UBA1: variants seen among roughly 807,000 people sequenced by gnomAD.
The protein encoded by UBA1 is ubiquitin like modifier activating enzyme 1.
UBA1 carries 4 observed loss-of-function variants against 84.7 expected under a neutral mutation model. That is an observed-to-expected ratio of 0.05 (90% confidence interval 0.02 to 0.11). The LOEUF (loss-of-function observed/expected upper bound fraction) is 0.11. Among genes scored for constraint, UBA1 ranks in the 10% least tolerant of loss-of-function variants. The probability of loss-of-function intolerance (pLI) is 1.00; values close to 1 mark genes in which losing one functional copy is unlikely to be tolerated. For synonymous variants in UBA1, 364 were observed against 362.6 expected (o/e 1.00, Z -0.04); for missense variants, 513 against 902.8 (o/e 0.57, Z 5.53).
rs1044559809 is a variant in UBA1, at chrX:47,202,459, C to T, written c.1011C>T (p.His337=). ...AQLHIGFQAL[H]QFCAQHGRPP... ...TGCACATTGGCTTCCAGGCCCTGCA[C>T]CAGTTCTGTGCTCAGCATGGCCGGC... is the stretch of plus-strand genomic sequence containing the variant. The change falls in exon 10 of 26, where the codon CAC becomes CAT. Residue 337 remains histidine (H), a synonymous_variant. Coordinates refer to ENST00000335972, the MANE Select transcript of UBA1 (RefSeq NM_003334.4). 4 of 1,207,666 alleles carry T rather than the reference C, an allele frequency of 3.3e-6. No homozygotes were observed. The highest frequency in any genetic ancestry group is 3.4e-6 in the Non-Finnish European group (3 of 893,292).
Position 47,206,016 on chromosome X carries a change from C to G in UBA1, c.1644C>G (p.His548Gln). ...ATCCACATATCCGGGTGACAAGCCA[C>G]CAGAACCGTGTGGGTCCTGACACGG... ...QMNPHIRVTSHQNRVGPDTER... is the reference protein window; with the variant it reads ...QMNPHIRVTSQQNRVGPDTER... The change falls in exon 15 of 26, where the codon CAC (histidine) becomes CAG (glutamine). Residue 548 changes from histidine to glutamine, a missense_variant. His to Gln is a conservative substitution (Grantham distance 24). Around this residue, in one of 6 missense-constraint regions of UBA1, gnomAD observed 55 missense variants for 104.8 expected, o/e 0.52. Transcript: ENST00000335972. 8.3e-7 allele frequency: 1 copy of G among 1,205,651 alleles called. No individual in the cohort carries two copies. Among genetic ancestry groups the G allele is most frequent in the Non-Finnish European group, 1.1e-6 (1 of 892,353 alleles).
rs1936508776 is a variant in UBA1, at chrX:47,203,630, A to C, written c.1509A>C (p.Thr503=). The change falls in exon 14 of 26, where the codon ACA becomes ACC. Residue 503 remains threonine, a synonymous_variant. Coordinates refer to ENST00000335972, the MANE Select transcript of UBA1 (RefSeq NM_003334.4). ...GCGEGGEIIV[T]DMDTIEKSNL... ...GGGAGGGTGGAGAAATCATCGTTAC[A>C]GACATGGACACCATTGAGAAGTCAA... 5.0e-6 allele frequency: 6 copies of C among 1,210,926 alleles called. No homozygotes were observed. Among genetic ancestry groups the C allele is most frequent in the Non-Finnish European group, 6.7e-6 (6 of 895,247 alleles).
At chrX:47,206,678 A>G (rs929570868) in intron 16 of UBA1, 2 of 425,264 alleles carry the variant, frequency 4.7e-6, no homozygotes, top group East Asian at 7.7e-5. Flanking sequence ...TATTAAGAAT[A>G]TTATGATGAA....
chrX:47,199,621 T>TG lies in UBA1; in HGVS notation c.480+12dup, dbSNP rs1740720114. 5.0e-6 allele frequency: 6 copies of TG among 1,209,067 alleles called. No individual in the cohort carries two copies. Among genetic ancestry groups the TG allele is most frequent in the Non-Finnish European group, 6.7e-6 (6 of 894,713 alleles). On this transcript the variant is annotated splice_region_variant and intron_variant, in intron 5 of 25. Coordinates refer to ENST00000335972, the MANE Select transcript of UBA1 (RefSeq NM_003334.4). ...CTTCCTTAGTGGTTTCCAGGTATCT[T>TG]GGGGGTACTACCCAGCCTTCTGCCC...
At chrX:47,205,581 G>A (rs901924971) in intron 14 of UBA1, 9 of 349,922 alleles carry the variant, frequency 2.6e-5, no homozygotes, top group Non-Finnish European at 5.1e-5. Flanking sequence ...TAGGTGTTTG[G>A]GCCAGGTGCG....
At chrX:47,209,719 C>G in intron 17 of UBA1, 32 bp downstream of exon 17, 1 of 1,194,951 alleles carries the variant, frequency 8.4e-7, no homozygotes, top group Non-Finnish European at 1.1e-6. Flanking sequence ...TCGCCCTGTC[C>G]CTGTCCACCA....
intron 16 of UBA1, among the ~76,000 whole-genome samples, chrX:47,206,918 G>A (rs1185511004): frequency 5.5e-5 from 6 of 109,847 alleles, no homozygotes; most frequent in Admixed American, 3.0e-4. Context: ...TATTTGTCAT[G>A]GGAGAGGGGA....
chrX:47,214,858 C>G lies in UBA1; in HGVS notation c.3106C>G (p.Leu1036Val). The G allele has an allele frequency of 8.3e-7, 1 of 1,212,059 alleles. No homozygotes were observed. Among genetic ancestry groups the G allele is most frequent in the Non-Finnish European group, 1.1e-6 (1 of 895,629 alleles). The change falls in exon 26 of 26, where the codon CTT becomes GTT. Residue 1036 changes from leucine to valine, a missense_variant. Coordinates refer to ENST00000335972, the MANE Select transcript of UBA1 (RefSeq NM_003334.4). Reference protein sequence around the residue: ...KLGRHVRALVLELCCNDESGE... With the variant: ...KLGRHVRALVVELCCNDESGE... ...GGGCCGCCACGTGCGGGCGCTGGTG[C>G]TTGAGCTGTGCTGTAACGACGAGAG...
At position 47,211,129 on chromosome X, in the gene UBA1, T is replaced by C. The variant is rs781842141; in HGVS notation, c.2368T>C (p.Phe790Leu). The C allele has an allele frequency of 1.2e-5, 14 of 1,211,671 alleles. No individual in the cohort carries two copies. The Admixed American group carries it at 3.0e-4, about 26-fold the overall frequency. ...TCAGGACCGAGCTGCTGTGGCCACA[T>C]TCCTGCAGTCTGTGCAGGTCCCCGA... ...GSQDRAAVAT[F>L]LQSVQVPEFT... is the part of the protein sequence containing the mutation. The change falls in exon 20 of 26, where the codon TTC becomes CTC. Residue 790 changes from phenylalanine to leucine, a missense_variant. Around this residue, in one of 6 missense-constraint regions of UBA1, gnomAD observed 151 missense variants for 260.1 expected, o/e 0.58. Transcript: ENST00000335972.
intron 13 of UBA1, 21 bp from the exon 14 acceptor site, chrX:47,203,520 G>GT (rs1427625584): frequency 1.7e-6 from 2 of 1,211,298 alleles, no homozygotes; most frequent in African/African-American, 3.5e-5. Context: ...GCCTCTGCCT[G>GT]TCTTCTTGGT....
At chrX:47,212,030 C>T (rs1936941350) in intron 20 of UBA1, among the ~76,000 whole-genome samples, 1 of 84,489 alleles carries the variant, frequency 1.2e-5, no homozygotes, top group Non-Finnish European at 2.2e-5. Flanking sequence ...CTGTGTATTC[C>T]CCCCAACTTC....
chrX:47,211,245 TGGCCAGGA>T lies in UBA1; in HGVS notation c.2464+22_2464+29del. On this transcript the variant is annotated intron_variant, in intron 20 of 25. Transcript: ENST00000335972. ...CTGTTGGTGAGGGTGTTTGGCCAGT[TGGCCAGGA>T]GTCACCCCACATGTCCCCGGCCTAG... is the stretch of plus-strand genomic sequence containing the variant. The T allele has an allele frequency of 8.3e-7, 1 of 1,203,464 alleles. No individual in the cohort carries two copies. Among genetic ancestry groups the T allele is most frequent in the Non-Finnish European group, 1.1e-6 (1 of 893,917 alleles).
chrX:47,195,162 G>C (rs1936156314), intron 1 of UBA1, among the ~76,000 whole-genome samples: 2 of 111,953 alleles, frequency 1.8e-5, no homozygotes, highest in Non-Finnish European at 3.8e-5. Flanking sequence ...TGCAGTCAGG[G>C]GTTTTCAGCT....
chrX:47,211,980 C>T (rs1358666154), intron 20 of UBA1, among the ~76,000 whole-genome samples: 3 of 77,134 alleles, frequency 3.9e-5, no homozygotes, highest in Non-Finnish European at 7.1e-5. Flanking sequence ...CCTTTTATAT[C>T]TTCTCCATCT....
At position 47,214,884 on chromosome X, in the gene UBA1, C is replaced by T. The variant is rs781808756; in HGVS notation, c.3132C>T (p.Ser1044=). 8 of 1,211,512 alleles carry T rather than the reference C, an allele frequency of 6.6e-6. No homozygotes were observed. The highest frequency in any genetic ancestry group is 2.2e-5 in the Admixed American group (1 of 46,082). The change falls in exon 26 of 26, where the codon AGC becomes AGT. Residue 1044 remains serine, a synonymous_variant. Coordinates refer to ENST00000335972, the MANE Select transcript of UBA1 (RefSeq NM_003334.4). ...TTGAGCTGTGCTGTAACGACGAGAG[C>T]GGCGAGGATGTCGAGGTTCCCTATG... ...LVLELCCNDE[S]GEDVEVPYVR...
chrX:47,193,747 T>C (rs1292807928), upstream of UBA1: 3 of 112,532 alleles, frequency 2.7e-5, no homozygotes, highest in Non-Finnish European at 3.8e-5. Context: ...GCATGATTCA[T>C]AAGTAGGCGC....
In UBA1 at chrX:47,202,243, A is replaced by T; in HGVS notation, c.899A>T (p.Lys300Met). The T allele has an allele frequency of 8.3e-7, 1 of 1,209,164 alleles. No individual in the cohort carries two copies. Among genetic ancestry groups the T allele is most frequent in the South Asian group, 1.8e-5 (1 of 56,558 alleles). ...GTCAGTCAGGTCAAAGTACCTAAGAAGATTAGCTTTGTGAGTGTGTCGATG... is the reference window on the plus strand; with the variant it reads ...GTCAGTCAGGTCAAAGTACCTAAGATGATTAGCTTTGTGAGTGTGTCGATG... ...GIVSQVKVPK[K>M]ISFKSLVASL... The change falls in exon 9 of 26, where the codon AAG becomes ATG. Residue 300 changes from lysine (K) to methionine (M), a missense_variant. Physicochemically the swap from Lys to Met is moderately conservative, Grantham distance 95 (BLOSUM62 -1). This residue lies in a region of UBA1 where 227 missense variants were observed against 339.1 expected (regional missense o/e 0.67). Coordinates refer to ENST00000335972, the MANE Select transcript of UBA1 (RefSeq NM_003334.4).
chrX:47,207,443 C>T (rs1556791492), intron 16 of UBA1, among the ~76,000 whole-genome samples: 1 of 111,890 alleles, frequency 8.9e-6, no homozygotes, highest in Non-Finnish European at 1.9e-5. Context: ...AGAAAATTTA[C>T]AAATTTGTGT....
rs782741702 is a variant in UBA1, at chrX:47,201,351, T to A, written c.663T>A (p.Val221=). 7 of 1,208,377 alleles carry A rather than the reference T, an allele frequency of 5.8e-6. No homozygotes were observed. The highest frequency in any genetic ancestry group is 4.4e-5 in the Admixed American group (2 of 45,654). ...GGGAGCAGCCACTCAGTGCTATGGTTTCTATGGTTACCAAGGTAAGGAGAC... is the reference window on the plus strand; with the variant it reads ...GGGAGCAGCCACTCAGTGCTATGGTATCTATGGTTACCAAGGTAAGGAGAC... The part of the protein sequence containing the change: ...SNGEQPLSAM[V]SMVTKDNPGV... Residue 221 remains valine (V), a synonymous_variant, in exon 7 of 26, where the codon GTT becomes GTA. Coordinates refer to ENST00000335972, the MANE Select transcript of UBA1 (RefSeq NM_003334.4).
Sources: gnomAD v4.1 joint callset for allele counts (sites outside exome capture counted in the v4.1 genomes callset) on GRCh38, gnomAD v4.1.1 for gene constraint, gnomAD v4.1.1 regional missense constraint, MANE v1.5 for transcripts, NCBI Gene and HGNC (gene_info 2026-07-23, HGNC 2026-07-21) for gene names.